The following CTSZ variants were observed in gnomAD, a reference collection of about 807,000 sequenced individuals.
The protein encoded by CTSZ is carboxypeptidase LB.
In CTSZ, 39 loss-of-function variants were observed where a neutral mutation model predicts 32.4. That is an observed-to-expected ratio of 1.20 (90% CI 0.93 to 1.57). The LOEUF (loss-of-function observed/expected upper bound fraction) is 1.57, where lower values mean the gene tolerates loss of function less well. Ranked by LOEUF, CTSZ falls within the 40% of genes most tolerant of loss-of-function variation. The pLI is 0.00. For missense variants in CTSZ, 397 were observed against 419.6 expected (o/e 0.95, Z 0.47); for synonymous variants, 168 against 170.1 (o/e 0.99, Z 0.10).
chr20:59,007,066 C>T lies in CTSZ; in HGVS notation c.63G>A (p.Ala21=). The change falls in exon 1 of 6, where the codon GCG becomes GCA. Residue 21 remains alanine (A), a synonymous_variant. Transcript: ENST00000217131. ...CCCGGCGGAAGTAGAGGCCGCCCTG[C>T]GCCGCGCCCGCCAGCAGCACGAGCA... ...LLLLVLLAGA[A]QGGLYFRRGQ... The T allele has an allele frequency of 1.4e-6, 2 of 1,461,922 alleles. No individual in the cohort carries two copies. The highest frequency in any genetic ancestry group is 1.8e-6 in the Non-Finnish European group (2 of 1,112,726). The allele number at this position is 1,461,922 out of a possible 1,614,324, so 90.6% of individuals were successfully genotyped here.
chr20:58,999,139 G>C (rs2146362309), intron 3 of CTSZ, among the ~76,000 whole-genome samples: 1 of 152,156 alleles, frequency 6.6e-6, no homozygotes, highest in South Asian at 2.1e-4. Flanking sequence ...GGGTTCAAGT[G>C]ATTCTCCTGC....
intron 5 of CTSZ, 51 bp from the exon 6 acceptor site, chr20:58,995,810 C>G (rs1437372780): frequency 6.5e-7 from 1 of 1,535,822 alleles, no homozygotes; most frequent in Non-Finnish European, 9.0e-7. Context: ...TCTCCCGCTC[C>G]CCTTGCTGCC....
rs775881047 is a variant in CTSZ at position 59,005,223 on chromosome 20, C to T, written c.307+1099G>A. Among the ~76,000 whole-genome samples, 104 of 152,258 alleles carry T rather than the reference C, an allele frequency of 6.8e-4. 1 individual carries two copies. The highest frequency in any genetic ancestry group is 1.2e-3 in the Non-Finnish European group (79 of 68,024). On this transcript the variant is annotated intron_variant, in intron 2 of 5. Transcript: ENST00000217131. Reference sequence around the variant, plus strand: ...AGTGTGTTCCAGCCCCCGGGGGAGACGCCACGGATGCCACAGCTTCAGCTG... The same window carrying T: ...AGTGTGTTCCAGCCCCCGGGGGAGATGCCACGGATGCCACAGCTTCAGCTG...
chr20:58,996,521 A>G, intron 5 of CTSZ, 118 bp downstream of exon 5: 1 of 1,094,208 alleles, frequency 9.1e-7, no homozygotes. Flanking sequence ...CAGCTGGAGC[A>G]AGGAACCCTC....
Position 58,997,709 on chromosome 20 carries a change from C to CT in CTSZ, c.531dup (p.Glu178ArgfsTer47). Reference sequence around the variant, plus strand: ...GTGTAGTTCCGGATGGCGTGGCACTCTTTGAATTCATTGCATGTCCCACAT... The same window carrying CT: ...GTGTAGTTCCGGATGGCGTGGCACTCTTTTGAATTCATTGCATGTCCCACAT... On this transcript the variant is annotated frameshift_variant, in exon 4 of 6. Coordinates refer to ENST00000217131, the MANE Select transcript of CTSZ (RefSeq NM_001336.4). LOFTEE classifies it high-confidence loss of function. The CT allele has an allele frequency of 6.2e-7, 1 of 1,610,292 alleles. No individual in the cohort carries two copies. Among genetic ancestry groups the CT allele is most frequent in the East Asian group, 2.2e-5 (1 of 44,746 alleles).
rs1181814564 is a variant in CTSZ, at chr20:59,004,446, G to A, written c.307+1876C>T. ...TTCACGGTGGGCCCCAGGTGGCAGT[G>A]GAAAGAACAGTGCCGGTGGAGTGGC... On this transcript the variant is annotated intron_variant, in intron 2 of 5. Coordinates refer to ENST00000217131, the MANE Select transcript of CTSZ (RefSeq NM_001336.4). The surrounding 1 kb of genome is among the most constrained non-coding windows in gnomAD (Gnocchi z 5.6). Among the ~76,000 whole-genome samples the A allele has an allele frequency of 6.6e-6, 1 of 152,024 alleles. No individual in the cohort carries two copies. The highest frequency in any genetic ancestry group is 1.5e-5 in the Non-Finnish European group (1 of 67,990).
At chr20:58,995,863 C>T in intron 5 of CTSZ, 104 bp from the exon 6 acceptor site, 2 of 985,220 alleles carry the variant, frequency 2.0e-6, no homozygotes, top group Admixed American at 3.8e-5. Flanking sequence ...TCTCTCAGGC[C>T]AGCCTTGGGG....
At chr20:59,000,251 G>T (rs2091883436) in intron 3 of CTSZ, among the ~76,000 whole-genome samples, 1 of 152,038 alleles carries the variant, frequency 6.6e-6, no homozygotes, top group South Asian at 2.1e-4. Context: ...GGTGGCGCAT[G>T]CCTGTAATCC....
chr20:59,003,007 A>G (rs1044161522), intron 2 of CTSZ, among the ~76,000 whole-genome samples: 5 of 151,654 alleles, frequency 3.3e-5, no homozygotes, highest in African/African-American at 1.2e-4. Flanking sequence ...CAGTGCCCCG[A>G]CCCCTACTGC....
chr20:59,001,703 C>T (rs575897829), intron 2 of CTSZ, 59 bp from the exon 3 acceptor site: 61 of 1,554,962 alleles, frequency 3.9e-5, no homozygotes, highest in South Asian at 2.5e-4. Context: ...CTTCCCCGAA[C>T]GGACCTGGAC....
intron 1 of CTSZ, 120 bp from the exon 2 acceptor site, chr20:59,006,605 A>G: frequency 9.3e-7 from 1 of 1,072,122 alleles, no homozygotes; most frequent in East Asian, 2.4e-5. Flanking sequence ...GAGTGGGGCC[A>G]CAATCACCAG....
At chr20:58,995,861 G>T in intron 5 of CTSZ, 102 bp from the exon 6 acceptor site, 3 of 1,016,736 alleles carry the variant, frequency 3.0e-6, no homozygotes, top group Non-Finnish European at 4.5e-6. Flanking sequence ...CATCTCTCAG[G>T]CCAGCCTTGG....
At position 59,004,044 on chromosome 20, in the gene CTSZ, C is replaced by G. The variant is rs114346990; in HGVS notation, c.307+2278G>C. On this transcript the variant is annotated intron_variant, in intron 2 of 5. Transcript: ENST00000217131. This position sits in a 1 kb window ranked among gnomAD's most constrained non-coding sequence, Gnocchi z 5.6. ...TCTGCATCTGCTTCGAAGGTAGAAC[C>G]GACAAGACTTGTGGGTGGATTATAT... Among the ~76,000 whole-genome samples, 4,946 of 152,160 alleles carry G rather than the reference C, an allele frequency of 0.033. 257 individuals carry two copies. The highest frequency in any genetic ancestry group is 0.11 in the African/African-American group (4,707 of 41,482).
chr20:59,001,625 C>T lies in CTSZ; in HGVS notation c.327G>A (p.Arg109=). ...SAMADRINIK[R]KGAWPSTLLS... is the part of the protein sequence containing the mutation. ...GGAGGGTGGAGGGCCACGCTCCCTTCCTCTTGATGTTGATCCGATCTGCAA... is the reference window on the plus strand; with the variant it reads ...GGAGGGTGGAGGGCCACGCTCCCTTTCTCTTGATGTTGATCCGATCTGCAA... Residue 109 remains arginine (R), a synonymous_variant, in exon 3 of 6, where the codon AGG becomes AGA. Coordinates refer to ENST00000217131, the MANE Select transcript of CTSZ (RefSeq NM_001336.4). 1 of 1,613,956 alleles carries T rather than the reference C, an allele frequency of 6.2e-7. No individual in the cohort carries two copies. Among genetic ancestry groups the T allele is most frequent in the Non-Finnish European group, 8.5e-7 (1 of 1,179,896 alleles).
chr20:58,997,161 CAAA>C (rs10582096), intron 4 of CTSZ, among the ~76,000 whole-genome samples: 22,891 of 105,558 alleles, frequency 0.22, 1,923 homozygotes, highest in Middle Eastern at 0.27. Context: ...GACTGTGTTT[CAAA>C]AAAAAAAAAA....
chr20:58,997,184 A>T (rs895768688), intron 4 of CTSZ, among the ~76,000 whole-genome samples: 1 of 139,698 alleles, frequency 7.2e-6, no homozygotes, highest in African/African-American at 2.7e-5. Flanking sequence ...AAAAAAAAAA[A>T]TCTGGTATGA....
At chr20:58,996,969 C>A (rs116526567) in intron 4 of CTSZ, among the ~76,000 whole-genome samples, 168 bp from the exon 5 acceptor site, 2 of 152,002 alleles carry the variant, frequency 1.3e-5, no homozygotes, top group Non-Finnish European at 2.9e-5. Context: ...CCAGCCTGGG[C>A]AAGATGGCGA....
At chr20:58,999,589 C>T (rs1231060980) in intron 3 of CTSZ, among the ~76,000 whole-genome samples, 2 of 152,180 alleles carry the variant, frequency 1.3e-5, no homozygotes, top group African/African-American at 4.8e-5. Context: ...GCCTGAGAGG[C>T]AAGGCAAGGG....
At chr20:58,996,333 TCCCCAGGG>T (rs2091859778) in intron 5 of CTSZ, among the ~76,000 whole-genome samples, 1 of 152,144 alleles carries the variant, frequency 6.6e-6, no homozygotes, top group African/African-American at 2.4e-5. Flanking sequence ...CACAGGGACT[TCCCCAGGG>T]CACCAGGCAC....
Sources: gnomAD v4.1 joint callset for allele counts (sites outside exome capture counted in the v4.1 genomes callset) on GRCh38, gnomAD v4.1.1 for gene constraint, Gnocchi (gnomAD v3.1) non-coding constraint, MANE v1.5 for transcripts, NCBI Gene and HGNC (gene_info 2026-07-23, HGNC 2026-07-21) for gene names.